The following ARID4A variants were observed in gnomAD, a reference collection of about 807,000 sequenced individuals.
ARID4A encodes AT-rich interaction domain 4A.
In ARID4A, 39 loss-of-function variants were observed where a neutral mutation model predicts 148.6. The ratio of observed to expected loss-of-function variants is 0.26; its 90% CI spans 0.20 to 0.34. The LOEUF is 0.34. Ranked by LOEUF, ARID4A falls within the 10% of genes least tolerant of loss-of-function variation. The pLI is 1.00. For missense variants in ARID4A, 1,265 were observed against 1,449.1 expected (o/e 0.87, Z 2.06); for synonymous variants, 475 against 481.2 (o/e 0.99, Z 0.17).
chr14:58,309,373 A>G (rs1437946767), intron 5 of ARID4A, among the ~76,000 whole-genome samples: 10 of 152,118 alleles, frequency 6.6e-5, no homozygotes, highest in Admixed American at 6.5e-4. Context: ...TCTTCCTACC[A>G]TTCCTACCAT....
chr14:58,357,575 A>G (rs2034937007), intron 17 of ARID4A, among the ~76,000 whole-genome samples: 1 of 150,302 alleles, frequency 6.7e-6, no homozygotes, highest in Admixed American at 6.6e-5. Context: ...AAATTCATAA[A>G]CTTTCTTAAA....
At chr14:58,308,991 T>C (rs1379098455) in intron 5 of ARID4A, among the ~76,000 whole-genome samples, 1 of 152,240 alleles carries the variant, frequency 6.6e-6, no homozygotes, top group Non-Finnish European at 1.5e-5. Context: ...TCTTCTTGCA[T>C]AATACAGGTA....
At chr14:58,357,600 T>A (rs1173035011) in intron 17 of ARID4A, among the ~76,000 whole-genome samples, 2 of 147,940 alleles carry the variant, frequency 1.4e-5, no homozygotes, top group African/African-American at 2.5e-5. Flanking sequence ...GAGTTTTTTT[T>A]ATTTTTTTGC....
intron 17 of ARID4A, among the ~76,000 whole-genome samples, chr14:58,358,327 G>T (rs957057284): frequency 6.6e-6 from 1 of 152,080 alleles, no homozygotes; most frequent in Non-Finnish European, 1.5e-5. Flanking sequence ...AATTAGCGGG[G>T]TGTGGTGGCA....
rs756088261 is a variant in ARID4A at position 58,353,838 on chromosome 14, C to T, written c.1836C>T (p.Tyr612=). ...DDGEVLYLVH[Y]YGWNVRYDEW... ...GAGAAGTTTTATATTTGGTACATTA[C>T]TATGGATGGAATGTCAGGTAAGCAA... The change falls in exon 17 of 24, where the codon TAC becomes TAT. Residue 612 remains tyrosine, a synonymous_variant. Coordinates refer to ENST00000355431, the MANE Select transcript of ARID4A (RefSeq NM_002892.4). The T allele has an allele frequency of 1.2e-6, 2 of 1,612,324 alleles. No homozygotes were observed. Among genetic ancestry groups the T allele is most frequent in the Non-Finnish European group, 1.7e-6 (2 of 1,179,568 alleles).
intron 2 of ARID4A, 37 bp from the exon 3 acceptor site, chr14:58,301,543 A>G (rs763381002): frequency 1.4e-6 from 2 of 1,465,632 alleles, no homozygotes; most frequent in Non-Finnish European, 1.9e-6. Context: ...AGGGAGGCAT[A>G]GTAATGACAT....
intron 11 of ARID4A, among the ~76,000 whole-genome samples, chr14:58,340,322 T>G (rs978690868): frequency 4.8e-5 from 6 of 124,330 alleles, no homozygotes; most frequent in Non-Finnish European, 6.7e-5. Flanking sequence ...CACGCCAGCA[T>G]GCCCAGCTAA....
intron 11 of ARID4A, among the ~76,000 whole-genome samples, chr14:58,333,547 A>C (rs1380355778): frequency 6.6e-6 from 1 of 152,082 alleles, no homozygotes; most frequent in African/African-American, 2.4e-5. Context: ...TAGTAATGAA[A>C]ATTTGAATTC....
At chr14:58,365,776 AG>A (rs1169160657) in intron 21 of ARID4A, among the ~76,000 whole-genome samples, 154 bp downstream of exon 21, 2 of 152,008 alleles carry the variant, frequency 1.3e-5, no homozygotes, top group African/African-American at 4.8e-5. Flanking sequence ...TTTTATTCTT[AG>A]GAACTCTAGC....
chr14:58,341,071 T>TTCTCTCTGTCTC (rs1047794395), intron 11 of ARID4A, among the ~76,000 whole-genome samples: 4 of 152,120 alleles, frequency 2.6e-5, no homozygotes. Context: ...CTCTCTGTCT[T>TTCTCTCTGTCTC]TCTCTCTGTC....
intron 2 of ARID4A, among the ~76,000 whole-genome samples, chr14:58,300,642 C>T (rs1033172485): frequency 6.6e-6 from 1 of 152,038 alleles, no homozygotes; most frequent in Non-Finnish European, 1.5e-5. Flanking sequence ...TTTCTATTTT[C>T]TCGAAGTAAA....
intron 19 of ARID4A, among the ~76,000 whole-genome samples, chr14:58,362,704 T>C (rs183860532): frequency 1.3e-5 from 2 of 151,944 alleles, no homozygotes; most frequent in Non-Finnish European, 2.9e-5. Context: ...ACCACAGGTG[T>C]GCACCACCAT....
chr14:58,329,786 A>G (rs1468872611), intron 10 of ARID4A, among the ~76,000 whole-genome samples, 182 bp downstream of exon 10: 1 of 152,152 alleles, frequency 6.6e-6, no homozygotes, highest in Admixed American at 6.6e-5. Flanking sequence ...GATAAGTTTA[A>G]CTTTTCGTAT....
At chr14:58,352,916 G>A (rs926746909) in intron 16 of ARID4A, among the ~76,000 whole-genome samples, 3 of 152,084 alleles carry the variant, frequency 2.0e-5, no homozygotes, top group African/African-American at 7.2e-5. Context: ...AAGAAAAGCC[G>A]ATGGAAGATG....
intron 18 of ARID4A, among the ~76,000 whole-genome samples, chr14:58,360,616 G>A (rs1318174286): frequency 2.0e-5 from 3 of 152,050 alleles, no homozygotes; most frequent in Admixed American, 2.0e-4. Context: ...CAATATAATT[G>A]CAGTATTACA....
At chr14:58,362,740 C>A (rs1301923519) in intron 19 of ARID4A, among the ~76,000 whole-genome samples, 1 of 151,898 alleles carries the variant, frequency 6.6e-6, no homozygotes, top group Non-Finnish European at 1.5e-5. Context: ...GTATTTTTAG[C>A]AGCAATAGGG....
Position 58,365,126 on chromosome 14 carries a change from C to A in ARID4A, c.3037C>A (p.Gln1013Lys). 6.2e-7 allele frequency: 1 copy of A among 1,614,054 alleles called. No individual in the cohort carries two copies. The highest frequency in any genetic ancestry group is 1.1e-5 in the South Asian group (1 of 91,046). The change falls in exon 20 of 24, where the codon CAA becomes AAA. Residue 1013 changes from glutamine (Q) to lysine (K), a missense_variant. Physicochemically the swap from Gln to Lys is moderately conservative, Grantham distance 53 (BLOSUM62 1). Transcript: ENST00000355431. ...AGTAGCTTCACCACTTACTCTTAGT[C>A]AAGATGAGTCTCGAAGCGTAAAAAG... is the stretch of plus-strand genomic sequence containing the variant. ...FSVASPLTLS[Q>K]DESRSVKSES...
chr14:58,332,824 C>G (rs1198525955), intron 11 of ARID4A, among the ~76,000 whole-genome samples: 1 of 152,098 alleles, frequency 6.6e-6, no homozygotes, highest in Non-Finnish European at 1.5e-5. Context: ...TCAAAAAGAT[C>G]TTTTGTAAGG....
chr14:58,331,377 T>C (rs1278693052), intron 11 of ARID4A: 2 of 152,226 alleles, frequency 1.3e-5, no homozygotes, highest in Non-Finnish European at 2.9e-5. Flanking sequence ...ATGTAAGTAG[T>C]GCTGTATAAC....
Sources: allele counts gnomAD v4.1 joint callset (sites outside exome capture counted in the v4.1 genomes callset), GRCh38; gene constraint gnomAD v4.1.1; transcripts MANE v1.5; gene names NCBI Gene and HGNC (gene_info 2026-07-23, HGNC 2026-07-21).